The following ERLIN2 variants were observed in gnomAD, a reference collection of about 807,000 sequenced individuals.
The protein encoded by ERLIN2 is ER lipid raft associated 2, also known as erlin-2.
In ERLIN2, 22 loss-of-function variants were observed where a neutral mutation model predicts 41.5. That is an observed-to-expected ratio of 0.53 (90% CI 0.38 to 0.76). ERLIN2 has a LOEUF of 0.76. ERLIN2 is among the 30% of genes least tolerant of loss of function. The probability of loss-of-function intolerance (pLI) is 0.00; values close to 1 mark genes in which losing one functional copy is unlikely to be tolerated. For missense variants in ERLIN2, 247 were observed against 414.3 expected, an observed-to-expected ratio of 0.60 and a Z score of 3.51; for synonymous variants, 149 against 150.9, an observed-to-expected ratio of 0.99 and a Z score of 0.09.
rs1355579288 is a variant in ERLIN2, at chr8:37,755,113, T to TG, written c.*1001dup. 1 of 152,306 alleles carries TG rather than the reference T, an allele frequency of 6.6e-6. No individual in the cohort carries two copies. Among genetic ancestry groups the TG allele is most frequent in the African/African-American group, 2.4e-5 (1 of 41,466 alleles). 9.4% of individuals were successfully genotyped at this position (152,306 alleles called of 1,614,324 possible). ...TGGTCTTAATGCCTGTGGCTTGTGC[T>TG]GGGAGTGGGTCTGACTTAGTGATAA... On this transcript the variant is annotated 3_prime_UTR_variant, in exon 12 of 12. Transcript: ENST00000519638.
At chr8:37,745,611 C>A (rs776397342) in intron 6 of ERLIN2, 7 of 1,613,886 alleles carry the variant, frequency 4.3e-6, no homozygotes, top group Non-Finnish European at 5.9e-6. Context: ...TAAAAGGGAC[C>A]CTGAGCAAGA....
intron 6 of ERLIN2, among the ~76,000 whole-genome samples, chr8:37,748,742 G>A (rs886748384): frequency 4.6e-5 from 7 of 152,192 alleles, no homozygotes; most frequent in Non-Finnish European, 8.8e-5. Flanking sequence ...GCCCCTCCGG[G>A]ATCTTATCAA....
At chr8:37,750,243 C>A in intron 8 of ERLIN2, 152 bp from the exon 9 acceptor site, 1 of 693,368 alleles carries the variant, frequency 1.4e-6, no homozygotes, top group Non-Finnish European at 2.6e-6. Context: ...CTGTCAACAA[C>A]AGATCAGCTT....
At chr8:37,744,313 T>C in intron 4 of ERLIN2, 42 bp from the exon 5 acceptor site, 1 of 1,550,424 alleles carries the variant, frequency 6.4e-7, no homozygotes, top group Non-Finnish European at 8.9e-7. Context: ...CACCATATTC[T>C]AAGGCTTCCC....
Position 37,741,887 on chromosome 8 carries a change from G to A in ERLIN2, c.236+69G>A. 2 of 1,274,594 alleles carry A rather than the reference G, an allele frequency of 1.6e-6. No homozygotes were observed. Among genetic ancestry groups the A allele is most frequent in the South Asian group, 1.2e-5 (1 of 84,106 alleles). 79.0% of individuals were successfully genotyped at this position (1,274,594 alleles called of 1,614,324 possible). A position where few individuals can be genotyped will look rare whatever the true frequency, so the allele number is the denominator to read the frequency against. ...GAAAAGGCTGTCTGGCTGGTTGCAGGAAGAGACAGTGAAAAGGGAGGCACC... is the reference window on the plus strand; with the variant it reads ...GAAAAGGCTGTCTGGCTGGTTGCAGAAAGAGACAGTGAAAAGGGAGGCACC... On this transcript the variant is annotated intron_variant, in intron 4 of 11. Transcript: ENST00000519638. The surrounding 1 kb of genome is among the most constrained non-coding windows in gnomAD (Gnocchi z 4.8).
chr8:37,745,566 T>C (rs772145781), intron 6 of ERLIN2: 5 of 1,613,910 alleles, frequency 3.1e-6, no homozygotes, highest in Non-Finnish European at 4.2e-6. Flanking sequence ...TTCTTGACAC[T>C]AGGACTGGAA....
In ERLIN2 at chr8:37,737,889, T is replaced by C. The variant is rs781307502; in HGVS notation, c.-15-19T>C. 6.2e-7 allele frequency: 1 copy of C among 1,613,740 alleles called. No individual in the cohort carries two copies. The highest frequency in any genetic ancestry group is 2.2e-5 in the East Asian group (1 of 44,874). On this transcript the variant is annotated intron_variant, in intron 1 of 11. Transcript: ENST00000519638. Reference sequence around the variant, plus strand: ...CCTGCACGTTGGACCACACACATTTTCCCGTGTCTTTTCCCTAGGATAAAG... The same window carrying C: ...CCTGCACGTTGGACCACACACATTTCCCCGTGTCTTTTCCCTAGGATAAAG...
At chr8:37,749,913 A>G in intron 8 of ERLIN2, 61 bp downstream of exon 8, 1 of 1,426,484 alleles carries the variant, frequency 7.0e-7, no homozygotes, top group Non-Finnish European at 9.9e-7. Context: ...ACCTCGTCCC[A>G]TCCCAGAGGT....
chr8:37,744,653 C>T lies in ERLIN2; in HGVS notation c.381C>T (p.Phe127=). 6.2e-7 allele frequency: 1 copy of T among 1,614,162 alleles called. No homozygotes were observed. Among genetic ancestry groups the T allele is most frequent in the East Asian group, 2.2e-5 (1 of 44,876 alleles). The change falls in exon 6 of 12, where the codon TTC becomes TTT. Residue 127 remains phenylalanine, a synonymous_variant. Coordinates refer to ENST00000519638, the MANE Select transcript of ERLIN2 (RefSeq NM_007175.8). ...FNKIHHELNQ[F]CSVHTLQEVY... is the part of the protein sequence containing the mutation. ...AGATCCACCACGAACTGAACCAGTT[C>T]TGCAGTGTGCACACGCTTCAAGAGG...
intron 6 of ERLIN2, 99 bp downstream of exon 6, chr8:37,744,795 G>T (rs1316975382): frequency 1.6e-6 from 2 of 1,274,992 alleles, no homozygotes; most frequent in South Asian, 1.2e-5. Context: ...GGGTGTGATG[G>T]TCACTTATGG....
Position 37,749,617 on chromosome 8 carries a change from T to C in ERLIN2, c.483T>C (p.Pro161=), listed in dbSNP as rs138071049. Reference sequence around the variant, plus strand: ...AACAGGACCTGACCTCCATGGCCCCTGGGCTGGTCATTCAAGTAAGCATTG... The same window carrying C: ...AACAGGACCTGACCTCCATGGCCCCCGGGCTGGTCATTCAAGTAAGCATTG... The part of the protein sequence containing the change: ...ALQQDLTSMA[P]GLVIQAVRVT... Residue 161 remains proline (P), a synonymous_variant, in exon 7 of 12, where the codon CCT becomes CCC. Transcript: ENST00000519638. The C allele has an allele frequency of 4.6e-5, 75 of 1,613,492 alleles. No individual in the cohort carries two copies. In the African/African-American group the frequency reaches 8.3e-4, roughly 18 times the overall value.
intron 2 of ERLIN2, among the ~76,000 whole-genome samples, 200 bp from the exon 3 acceptor site, chr8:37,740,165 T>C (rs1802799082): frequency 6.6e-6 from 1 of 152,084 alleles, no homozygotes; most frequent in South Asian, 2.1e-4. Flanking sequence ...TGAACAATAG[T>C]TTTATGTTTT....
In ERLIN2 at chr8:37,757,290, T is replaced by C. The variant is rs1032801243; in HGVS notation, c.*3175T>C. 2 of 152,216 alleles carry C rather than the reference T, an allele frequency of 1.3e-5. No individual in the cohort carries two copies. Among genetic ancestry groups the C allele is most frequent in the Non-Finnish European group, 2.9e-5 (2 of 68,020 alleles). The allele number at this position is 152,216 out of a possible 1,614,324, so 9.4% of individuals were successfully genotyped here. A position where few individuals can be genotyped will look rare whatever the true frequency, so the allele number is the denominator to read the frequency against. The stretch of plus-strand genomic sequence containing the variant: ...CTGTGTCTGTGAATGTAACCAGTAC[T>C]TCTTTAAGCTCTATTCAGTAGGGTT... On this transcript the variant is annotated 3_prime_UTR_variant, in exon 12 of 12. Coordinates refer to ENST00000519638, the MANE Select transcript of ERLIN2 (RefSeq NM_007175.8).
At chr8:37,739,080 T>G (rs1179094917) in intron 2 of ERLIN2, among the ~76,000 whole-genome samples, 4 of 152,226 alleles carry the variant, frequency 2.6e-5, no homozygotes, top group Non-Finnish European at 4.4e-5. Flanking sequence ...TGGGTTGCTT[T>G]CTTTTTAGTA....
At position 37,743,318 on chromosome 8, in the gene ERLIN2, C is replaced by T. The variant is rs181431956; in HGVS notation, c.237-1037C>T. On this transcript the variant is annotated intron_variant, in intron 4 of 11. Coordinates refer to ENST00000519638, the MANE Select transcript of ERLIN2 (RefSeq NM_007175.8). ...AAATAATAGATATTTTCTCACCATTCTGAAGGCCCAAAGTCCAAGATCCGG... is the reference window on the plus strand; with the variant it reads ...AAATAATAGATATTTTCTCACCATTTTGAAGGCCCAAAGTCCAAGATCCGG... 2.4e-3 allele frequency among the ~76,000 whole-genome samples: 369 copies of T among 152,322 alleles called. 1 individual carries two copies. Among genetic ancestry groups the T allele is most frequent in the South Asian group, 4.1e-3 (20 of 4,832 alleles).
At chr8:37,745,482 T>C (rs1803011103) in intron 6 of ERLIN2, 1 of 1,332,336 alleles carries the variant, frequency 7.5e-7, no homozygotes, top group East Asian at 2.3e-5. Flanking sequence ...AAGTATTCTG[T>C]TTAAACTCAC....
At chr8:37,751,749 C>G in intron 10 of ERLIN2, 34 bp downstream of exon 10, 1 of 1,534,894 alleles carries the variant, frequency 6.5e-7, no homozygotes, top group Non-Finnish European at 9.0e-7. Flanking sequence ...CTGAGTCCTC[C>G]TCAGACCCCG....
At chr8:37,749,470 G>A in intron 6 of ERLIN2, 89 bp from the exon 7 acceptor site, 1 of 874,180 alleles carries the variant, frequency 1.1e-6, no homozygotes, top group Non-Finnish European at 2.0e-6. Flanking sequence ...TTCTTGAGCT[G>A]GTGATTGAGC....
In ERLIN2 at chr8:37,736,934, C is replaced by T. The variant is rs555029237; in HGVS notation, c.-16+256C>T. ...CTCGGAACGGGGCGGGGAAGGGGCG[C>T]GAGTGACCTCGGGGAGGGAAGGGCA... On this transcript the variant is annotated intron_variant, in intron 1 of 11. Coordinates refer to ENST00000519638, the MANE Select transcript of ERLIN2 (RefSeq NM_007175.8). The T allele has an allele frequency of 1.0e-5, 10 of 985,910 alleles. No homozygotes were observed. The East Asian group carries it at 1.1e-3, about 112-fold the overall frequency. The allele number at this position is 985,910 out of a possible 1,614,324, so 61.1% of individuals were successfully genotyped here.
Sources: gnomAD v4.1 joint callset for allele counts (sites outside exome capture counted in the v4.1 genomes callset) on GRCh38, gnomAD v4.1.1 for gene constraint, Gnocchi (gnomAD v3.1) non-coding constraint, MANE v1.5 for transcripts, NCBI Gene and HGNC (gene_info 2026-07-23, HGNC 2026-07-21) for gene names.